The following ERN1 variants were observed in gnomAD, a reference collection of about 807,000 sequenced individuals.
ERN1 encodes the protein serine/threonine-protein kinase/endoribonuclease IRE1.
ERN1 carries 39 observed loss-of-function variants against 113.1 expected under a neutral mutation model. That is an observed-to-expected ratio of 0.34 (90% CI 0.27 to 0.45). ERN1 has a LOEUF of 0.45. Ranked by LOEUF, ERN1 falls within the 20% of genes least tolerant of loss-of-function variation. The pLI is 1.00. For missense variants in ERN1, 976 were observed against 1,274.8 expected, an observed-to-expected ratio of 0.77 and a Z score of 3.57; for synonymous variants, 507 against 515.9, an observed-to-expected ratio of 0.98 and a Z score of 0.23.
chr17:64,122,143 A>C lies in ERN1; in HGVS notation c.54+7833T>G, dbSNP rs1914970633. ...AAGCACTGCAGGGGCTTCTCTTCAA[A>C]GGGAGGTAGGAGGATCAAGTTTAAG... On this transcript the variant is annotated intron_variant, in intron 1 of 21. Coordinates refer to ENST00000433197, the MANE Select transcript of ERN1 (RefSeq NM_001433.5). Among the ~76,000 whole-genome samples, 5 of 152,166 alleles carry C rather than the reference A, an allele frequency of 3.3e-5. No individual in the cohort carries two copies. In the South Asian group the frequency reaches 1.0e-3, roughly 32 times the overall value.
chr17:64,064,818 GCC>G (rs1256749230), intron 9 of ERN1, among the ~76,000 whole-genome samples: 2 of 152,182 alleles, frequency 1.3e-5, no homozygotes, highest in Non-Finnish European at 2.9e-5. Flanking sequence ...CTGAACAAAG[GCC>G]CCGGGGAAAG....
rs1431533821 is a variant in ERN1, at chr17:64,054,835, C to G, written c.1673-7G>C. On this transcript the variant is annotated splice_region_variant and splice_polypyrimidine_tract_variant and intron_variant, in intron 13 of 21. Coordinates refer to ENST00000433197, the MANE Select transcript of ERN1 (RefSeq NM_001433.5). This position sits in a 1 kb window ranked among gnomAD's most constrained non-coding sequence, Gnocchi z 4.9. The stretch of plus-strand genomic sequence containing the variant: ...ACCACGCTGGTTTCCTCATCTGGGA[C>G]AAAATAGGAAAAAGAGATTGTTTCA... The G allele has an allele frequency of 6.3e-7, 1 of 1,593,798 alleles. No homozygotes were observed. Among genetic ancestry groups the G allele is most frequent in the Non-Finnish European group, 8.6e-7 (1 of 1,167,388 alleles).
chr17:64,057,941 C>A lies in ERN1; in HGVS notation c.1259G>T (p.Arg420Leu). Residue 420 changes from arginine (R) to leucine (L), a missense_variant, in exon 12 of 22, where the codon CGG (arginine) becomes CTG (leucine). Arg to Leu is a moderately radical substitution (Grantham distance 102). This residue lies in a region of ERN1 where 459 missense variants were observed against 581.2 expected (regional missense o/e 0.79). Coordinates refer to ENST00000433197, the MANE Select transcript of ERN1 (RefSeq NM_001433.5). The part of the protein sequence containing the change: ...TSENAPTTVS[R>L]DVEEKPAHAP... ...ATGGGCGGGCTTCTCCTCCACATCCCGAGACACGGTGGTAGGTGCGTTTTC... is the reference window on the plus strand; with the variant it reads ...ATGGGCGGGCTTCTCCTCCACATCCAGAGACACGGTGGTAGGTGCGTTTTC... The A allele has an allele frequency of 6.2e-7, 1 of 1,607,124 alleles. No individual in the cohort carries two copies.
rs903734514 is a variant in ERN1, at chr17:64,041,780, T to C, written c.*2208A>G. The stretch of plus-strand genomic sequence containing the variant: ...GAAAGCAGAAGTTTTGCCTGTCTTG[T>C]TCATCGCTGTATCTCCGGCACCCTA... On this transcript the variant is annotated 3_prime_UTR_variant, in exon 22 of 22. Coordinates refer to ENST00000433197, the MANE Select transcript of ERN1 (RefSeq NM_001433.5). The C allele has an allele frequency of 2.0e-5, 3 of 152,224 alleles. No homozygotes were observed. Among genetic ancestry groups the C allele is most frequent in the Admixed American group, 6.5e-5 (1 of 15,284 alleles). 9.4% of individuals were successfully genotyped at this position (152,224 alleles called of 1,614,324 possible). A position where few individuals can be genotyped will look rare whatever the true frequency, so the allele number is the denominator to read the frequency against.
intron 10 of ERN1, among the ~76,000 whole-genome samples, chr17:64,062,273 C>A (rs887335335): frequency 6.6e-6 from 1 of 152,244 alleles, no homozygotes; most frequent in African/African-American, 2.4e-5. Context: ...AACCCACAGA[C>A]CATGCCTCTC....
intron 2 of ERN1, among the ~76,000 whole-genome samples, chr17:64,085,252 T>C (rs1244311395): frequency 6.6e-6 from 1 of 152,228 alleles, no homozygotes; most frequent in Non-Finnish European, 1.5e-5. Flanking sequence ...TTGGCTCACG[T>C]TTCTGCAGGC....
At chr17:64,127,734 A>G (rs891285477) in intron 1 of ERN1, among the ~76,000 whole-genome samples, 3 of 150,478 alleles carry the variant, frequency 2.0e-5, no homozygotes, top group African/African-American at 7.5e-5. Context: ...AGCCTGGGCA[A>G]CAAGAGCGAA....
chr17:64,065,235 T>C lies in ERN1; in HGVS notation c.895A>G (p.Met299Val), dbSNP rs764733828. The C allele has an allele frequency of 1.5e-5, 24 of 1,609,106 alleles. No homozygotes were observed. The highest frequency in any genetic ancestry group is 5.3e-5 in the African/African-American group (4 of 74,792). The change falls in exon 9 of 22, where the codon ATG (methionine) becomes GTG (valine). Residue 299 changes from methionine to valine, a missense_variant. Met to Val is a conservative substitution (Grantham distance 21). Coordinates refer to ENST00000433197, the MANE Select transcript of ERN1 (RefSeq NM_001433.5). The stretch of plus-strand genomic sequence containing the variant: ...ACGACAGCAACCCCCTCGTGTACCA[T>C]TGAGGGAGAGGCATAGAGGCTGGTA... ...YSTSLYASPSMVHEGVAVVPR... is the reference protein window; with the variant it reads ...YSTSLYASPSVVHEGVAVVPR...
chr17:64,079,130 CT>C (rs1343991833), intron 4 of ERN1, among the ~76,000 whole-genome samples: 2 of 152,182 alleles, frequency 1.3e-5, no homozygotes, highest in Non-Finnish European at 2.9e-5. Context: ...GTCCTGATGA[CT>C]TAGATCAATT....
rs1214502218 is a variant in ERN1 at position 64,117,426 on chromosome 17, C to T, written c.54+12550G>A. ...CCACTGCACTCCAGTGTGGGCGACA[C>T]AGTGAGACTCTATCTCAAAAAAAAA... On this transcript the variant is annotated intron_variant, in intron 1 of 21. Transcript: ENST00000433197. 9.3e-5 allele frequency among the ~76,000 whole-genome samples: 14 copies of T among 150,202 alleles called. No homozygotes were observed. The East Asian group carries it at 2.3e-3, about 25-fold the overall frequency.
intron 3 of ERN1, 86 bp downstream of exon 3, chr17:64,080,689 G>T: frequency 2.5e-6 from 3 of 1,206,832 alleles, no homozygotes; most frequent in Non-Finnish European, 3.6e-6. Context: ...ACACATATAT[G>T]CACTCCCAGC....
At position 64,055,722 on chromosome 17, in the gene ERN1, G is replaced by A. The variant is rs748002992; in HGVS notation, c.1625C>T (p.Ser542Phe). ...GGGGCTGCTGCCAGCCTTGGAGGCA[G>A]AGCTGCCGGAGCAGAGCGAGTGGTT... Reference protein sequence around the residue: ...ASNHSLCSGSSASKAGSSPSL... With the variant: ...ASNHSLCSGSFASKAGSSPSL... The change falls in exon 13 of 22, where the codon TCT becomes TTT. Residue 542 changes from serine to phenylalanine, a missense_variant. Ser to Phe is a radical substitution (Grantham distance 155, BLOSUM62 -2). Coordinates refer to ENST00000433197, the MANE Select transcript of ERN1 (RefSeq NM_001433.5). 9.9e-6 allele frequency: 16 copies of A among 1,610,094 alleles called. No individual in the cohort carries two copies. The highest frequency in any genetic ancestry group is 1.3e-5 in the Non-Finnish European group (15 of 1,177,898).
chr17:64,064,724 C>T (rs780051232), intron 9 of ERN1, among the ~76,000 whole-genome samples: 11 of 152,004 alleles, frequency 7.2e-5, no homozygotes, highest in East Asian at 1.9e-4. Context: ...CAAGGAGGCT[C>T]GGCGAGATTG....
intron 5 of ERN1, among the ~76,000 whole-genome samples, chr17:64,072,841 T>C (rs554628184): frequency 1.3e-5 from 2 of 152,152 alleles, no homozygotes; most frequent in African/African-American, 2.4e-5. Context: ...GGGCCTCCAA[T>C]GTGAAGGTCA....
chr17:64,114,471 G>A (rs146646012), intron 1 of ERN1, among the ~76,000 whole-genome samples: 228 of 152,320 alleles, frequency 1.5e-3, no homozygotes, highest in African/African-American at 5.4e-3. Context: ...TGGGCAGAGG[G>A]AATAGCCTAT....
chr17:64,074,999 G>T, intron 5 of ERN1, 176 bp downstream of exon 5: 3 of 597,050 alleles, frequency 5.0e-6, no homozygotes, highest in Non-Finnish European at 8.9e-6. Flanking sequence ...TCCCAAGTTG[G>T]GGGAGCCCTT....
Position 64,066,695 on chromosome 17 carries a change from T to C in ERN1, c.818A>G (p.Glu273Gly). 1.2e-6 allele frequency: 2 copies of C among 1,613,956 alleles called. No homozygotes were observed. The highest frequency in any genetic ancestry group is 1.7e-6 in the Non-Finnish European group (2 of 1,179,860). Residue 273 changes from glutamate (E) to glycine (G), a missense_variant, in exon 8 of 22, where the codon GAG (glutamate) becomes GGG (glycine). Physicochemically the swap from Glu to Gly is moderately conservative, Grantham distance 98. Around this residue, in one of 5 missense-constraint regions of ERN1, gnomAD observed 459 missense variants for 581.2 expected, o/e 0.79. Transcript: ENST00000433197. ...CGTCAGCTTGCTCTTGGCCTCTGTCTCCTTGGGGAACGGGTACTTCCACTT... is the reference window on the plus strand; with the variant it reads ...CGTCAGCTTGCTCTTGGCCTCTGTCCCCTTGGGGAACGGGTACTTCCACTT... ...ITKWKYPFPK[E>G]TEAKSKLTPT...
chr17:64,117,697 G>T (rs972778639), intron 1 of ERN1, among the ~76,000 whole-genome samples: 7 of 152,098 alleles, frequency 4.6e-5, no homozygotes, highest in African/African-American at 1.2e-4. Flanking sequence ...CAGTGGTCAG[G>T]GAAGGCCCTA....
At chr17:64,127,476 G>A (rs1161144000) in intron 1 of ERN1, among the ~76,000 whole-genome samples, 9 of 152,086 alleles carry the variant, frequency 5.9e-5, no homozygotes, top group African/African-American at 1.7e-4. Context: ...AATCATGGCC[G>A]GGTGCGGTGG....
Sources: allele counts gnomAD v4.1 joint callset (sites outside exome capture counted in the v4.1 genomes callset), GRCh38; gene constraint gnomAD v4.1.1; regional missense constraint gnomAD v4.1.1; non-coding constraint Gnocchi (gnomAD v3.1); transcripts MANE v1.5; gene names NCBI Gene and HGNC (gene_info 2026-07-23, HGNC 2026-07-21).